Variants in VPS35 observed in about 807,000 individuals in gnomAD.
The protein encoded by VPS35 is vacuolar protein sorting-associated protein 35.
VPS35 carries 21 observed loss-of-function variants against 98.1 expected under a neutral mutation model. The ratio of observed to expected loss-of-function variants is 0.21; its 90% confidence interval spans 0.15 to 0.31. The LOEUF (loss-of-function observed/expected upper bound fraction) is 0.31, where lower values mean the gene tolerates loss of function less well. Among genes scored for constraint, VPS35 ranks in the 10% least tolerant of loss-of-function variants. The pLI is 1.00. For missense variants in VPS35, 554 were observed against 950.8 expected (o/e 0.58, Z 5.49); for synonymous variants, 268 against 318.2 (o/e 0.84, Z 1.68).
chr16:46,667,759 T>C (rs562969252), intron 13 of VPS35, among the ~76,000 whole-genome samples: 37 of 152,326 alleles, frequency 2.4e-4, no homozygotes, highest in Admixed American at 2.2e-3. Context: ...TTCCCAATAC[T>C]ATTTATTGAA....
chr16:46,661,517 A>C lies in VPS35; in HGVS notation c.2211+201T>G. 1 of 531,314 alleles carries C rather than the reference A, an allele frequency of 1.9e-6. No homozygotes were observed. The highest frequency in any genetic ancestry group is 3.2e-6 in the Non-Finnish European group (1 of 313,380). 32.9% of individuals were successfully genotyped at this position (531,314 alleles called of 1,614,324 possible). On this transcript the variant is annotated intron_variant, in intron 16 of 16. Transcript: ENST00000299138. This position sits in a 1 kb window ranked among gnomAD's most constrained non-coding sequence, Gnocchi z 4.3. ...AGTGCTGGGATTACAGGCATGAGCC[A>C]CCACGCCCAGCCTAGGAATTATCTT...
At chr16:46,662,870 G>C in intron 14 of VPS35, 113 bp downstream of exon 14, 2 of 1,173,990 alleles carry the variant, frequency 1.7e-6, no homozygotes, top group East Asian at 4.9e-5. Context: ...GAAGGTGGTA[G>C]TTACACATTC....
chr16:46,661,152 AAAAC>A lies in VPS35; in HGVS notation c.2212-505_2212-502del, dbSNP rs1456046232. ...AGAGCCAGACTCTGTCAAAAAAAGA[AAAAC>A]AAGCAAAATTTTATTTAACTTACAA... On this transcript the variant is annotated intron_variant, in intron 16 of 16. Coordinates refer to ENST00000299138, the MANE Select transcript of VPS35 (RefSeq NM_018206.6). This position sits in a 1 kb window ranked among gnomAD's most constrained non-coding sequence, Gnocchi z 4.3. 6.6e-6 allele frequency among the ~76,000 whole-genome samples: 1 copy of A among 152,208 alleles called. No individual in the cohort carries two copies. The highest frequency in any genetic ancestry group is 1.5e-5 in the Non-Finnish European group (1 of 68,052).
Position 46,657,534 on chromosome 16 carries a change from T to C in VPS35, c.*2938A>G, listed in dbSNP as rs925799654. 6.6e-6 allele frequency: 1 copy of C among 152,206 alleles called. No homozygotes were observed. The highest frequency in any genetic ancestry group is 1.5e-5 in the Non-Finnish European group (1 of 68,060). The allele number at this position is 152,206 out of a possible 1,614,324, so 9.4% of individuals were successfully genotyped here. On this transcript the variant is annotated 3_prime_UTR_variant, in exon 17 of 17. Coordinates refer to ENST00000299138, the MANE Select transcript of VPS35 (RefSeq NM_018206.6). ...CTGCACACGAACTGTACACAAGTGCTCATCATTCTCCTTCTAGGTGCTCTG... is the reference window on the plus strand; with the variant it reads ...CTGCACACGAACTGTACACAAGTGCCCATCATTCTCCTTCTAGGTGCTCTG...
rs1966248611 is a variant in VPS35 at position 46,682,399 on chromosome 16, G to C, written c.103-224C>G. 1.0e-5 allele frequency: 5 copies of C among 494,480 alleles called. No homozygotes were observed. In the East Asian group the frequency reaches 1.8e-4, roughly 18 times the overall value. 30.6% of individuals were successfully genotyped at this position (494,480 alleles called of 1,614,324 possible). On this transcript the variant is annotated intron_variant, in intron 2 of 16. Transcript: ENST00000299138. ...TCTTAGTAAGACTTAACATAGCTAA[G>C]ACTGCAAGCTTCTTGATAGAATGCT...
chr16:46,689,119 C>A lies in VPS35; in HGVS notation c.3+12G>T. The A allele has an allele frequency of 6.2e-7, 1 of 1,608,924 alleles. No individual in the cohort carries two copies. Among genetic ancestry groups the A allele is most frequent in the Non-Finnish European group, 8.5e-7 (1 of 1,178,398 alleles). ...GGGTCGACCCAGGTGCCACTGCCCC[C>A]TCAGCACTCACCATGGCGACTCCCC... On this transcript the variant is annotated intron_variant, in intron 1 of 16. Coordinates refer to ENST00000299138, the MANE Select transcript of VPS35 (RefSeq NM_018206.6).
intron 5 of VPS35, among the ~76,000 whole-genome samples, chr16:46,680,229 G>A (rs535621825): frequency 6.6e-6 from 1 of 152,220 alleles, no homozygotes; most frequent in East Asian, 1.9e-4. Context: ...TAGCTAACTC[G>A]TAACAGATAA....
At chr16:46,679,754 T>C (rs1300846166) in intron 5 of VPS35, among the ~76,000 whole-genome samples, 1 of 152,220 alleles carries the variant, frequency 6.6e-6, no homozygotes, top group Non-Finnish European at 1.5e-5. Flanking sequence ...AAAATTGTTA[T>C]TGATTGCCTA....
chr16:46,684,495 A>G (rs1966282451), intron 1 of VPS35, among the ~76,000 whole-genome samples: 1 of 152,236 alleles, frequency 6.6e-6, no homozygotes, highest in South Asian at 2.1e-4. Context: ...TTTCAGATAT[A>G]CTGATCTACA....
chr16:46,679,630 T>C (rs1428622622), intron 5 of VPS35, among the ~76,000 whole-genome samples: 1 of 152,222 alleles, frequency 6.6e-6, no homozygotes, highest in African/African-American at 2.4e-5. Flanking sequence ...CTACATCATT[T>C]TACTGTTGAA....
intron 1 of VPS35, 146 bp downstream of exon 1, chr16:46,688,985 C>T: frequency 6.5e-7 from 1 of 1,538,284 alleles, no homozygotes; most frequent in Non-Finnish European, 8.8e-7. Context: ...TCCTGCTGTC[C>T]CCTATCCCGC....
intron 13 of VPS35, among the ~76,000 whole-genome samples, chr16:46,667,508 TGCTTATTTTAA>T (rs1053393666): frequency 2.6e-5 from 4 of 152,228 alleles, no homozygotes; most frequent in African/African-American, 7.2e-5. Flanking sequence ...AACTTATTTT[TGCTTATTTTAA>T]GCTTATTTTA....
intron 13 of VPS35, among the ~76,000 whole-genome samples, chr16:46,664,112 G>A (rs1037511347): frequency 1.3e-5 from 2 of 151,794 alleles, no homozygotes; most frequent in Non-Finnish European, 1.5e-5. Context: ...TACCACCCAC[G>A]GATAATCACT....
chr16:46,657,606 G>C lies in VPS35; in HGVS notation c.*2866C>G, dbSNP rs894930668. On this transcript the variant is annotated 3_prime_UTR_variant, in exon 17 of 17. Transcript: ENST00000299138. ...CTCTCTCTTTGAGCAGTGTCTATCA[G>C]CAGGGGCTGTTTTTGCAGTTCATTA... 3 of 152,190 alleles carry C rather than the reference G, an allele frequency of 2.0e-5. No homozygotes were observed. The highest frequency in any genetic ancestry group is 7.2e-5 in the African/African-American group (3 of 41,422). The allele number at this position is 152,190 out of a possible 1,614,324, so 9.4% of individuals were successfully genotyped here.
chr16:46,671,747 G>A lies in VPS35; in HGVS notation c.1482C>T (p.Phe494=). ...GGTCCTCAGAGCGCAGCAGATGAAT[G>A]AAGCGGCCCACAAGGCTCTGCTCAT... The part of the protein sequence containing the change: ...FADEQSLVGR[F]IHLLRSEDPD... The change falls in exon 12 of 17, where the codon TTC becomes TTT. Residue 494 remains phenylalanine (F), a synonymous_variant. Coordinates refer to ENST00000299138, the MANE Select transcript of VPS35 (RefSeq NM_018206.6). The A allele has an allele frequency of 1.2e-6, 2 of 1,614,158 alleles. No homozygotes were observed. The highest frequency in any genetic ancestry group is 8.5e-7 in the Non-Finnish European group (1 of 1,180,026).
chr16:46,671,616 A>C, intron 12 of VPS35, 89 bp downstream of exon 12: 1 of 1,555,152 alleles, frequency 6.4e-7, no homozygotes, highest in Non-Finnish European at 8.8e-7. Flanking sequence ...ACCATCTAAG[A>C]CCAGAAAGTG....
rs8045760 is a variant in VPS35, at chr16:46,661,337, C to T, written c.2211+381G>A. Among the ~76,000 whole-genome samples the T allele has an allele frequency of 6.6e-6, 1 of 152,192 alleles. No individual in the cohort carries two copies. Among genetic ancestry groups the T allele is most frequent in the Non-Finnish European group, 1.5e-5 (1 of 68,036 alleles). On this transcript the variant is annotated intron_variant, in intron 16 of 16. Transcript: ENST00000299138. The surrounding 1 kb of genome is among the most constrained non-coding windows in gnomAD (Gnocchi z 4.3). ...CTCCACCTCCCAGGTTCAAGCGATT[C>T]TCCTGCCTTAGGCTTCCAAGTAGCT...
chr16:46,666,719 T>A (rs551084675), intron 13 of VPS35, among the ~76,000 whole-genome samples: 1 of 152,344 alleles, frequency 6.6e-6, no homozygotes, highest in South Asian at 2.1e-4. Flanking sequence ...TCCAGATTAA[T>A]CCCTGTTGTC....
chr16:46,677,419 A>T (rs750956803), intron 6 of VPS35, 21 bp from the exon 7 acceptor site: 2 of 1,595,630 alleles, frequency 1.3e-6, no homozygotes, highest in Admixed American at 3.3e-5. Context: ...AAAAACACAC[A>T]TAAGGGTTAA....
Sources: allele counts gnomAD v4.1 joint callset (sites outside exome capture counted in the v4.1 genomes callset), GRCh38; gene constraint gnomAD v4.1.1; non-coding constraint Gnocchi (gnomAD v3.1); transcripts MANE v1.5; gene names NCBI Gene and HGNC (gene_info 2026-07-23, HGNC 2026-07-21).